EBLN1: variants seen among roughly 807,000 people sequenced by gnomAD.
The protein encoded by EBLN1 is endogenous Bornavirus like nucleoprotein 1.
A neutral mutation model predicts 0.8 loss-of-function variants in EBLN1; 1 was observed. The observed-to-expected ratio is 1.32, with a 90% CI of 0.47 to 6.26. The LOEUF (loss-of-function observed/expected upper bound fraction) is 6.26. Ranked by LOEUF, EBLN1 falls within the 30% of genes most tolerant of loss-of-function variation. The pLI is 0.15. For synonymous variants in EBLN1, 158 were observed against 158.5 expected, an observed-to-expected ratio of 1.00 and a Z score of 0.02; for missense variants, 396 against 447.9, an observed-to-expected ratio of 0.88 and a Z score of 1.05.
intron 1 of EBLN1, among the ~76,000 whole-genome samples, chr10:22,215,686 G>A (rs1003902965): frequency 6.6e-6 from 1 of 151,966 alleles, no homozygotes; most frequent in Non-Finnish European, 1.5e-5. Context: ...TGCCTCAGTG[G>A]TGTAGCTTAT....
Position 22,210,002 on chromosome 10 carries a change from T to C in EBLN1, c.-19A>G. 7.2e-7 allele frequency: 1 copy of C among 1,389,756 alleles called. No individual in the cohort carries two copies. Among genetic ancestry groups the C allele is most frequent in the South Asian group, 1.9e-5 (1 of 51,908 alleles). 86.1% of individuals were successfully genotyped at this position (1,389,756 alleles called of 1,614,324 possible). On this transcript the variant is annotated 5_prime_UTR_variant, in exon 3 of 3. Coordinates refer to ENST00000422359, the MANE Select transcript of EBLN1 (RefSeq NM_001394757.1). ...GGGACATTGTGGGTGATTGTTTCTGTGATTTTCACACAATTTTGTACTGTA... is the reference window on the plus strand; with the variant it reads ...GGGACATTGTGGGTGATTGTTTCTGCGATTTTCACACAATTTTGTACTGTA...
chr10:22,216,121 A>G (rs1381063629), intron 1 of EBLN1, among the ~76,000 whole-genome samples: 1 of 152,140 alleles, frequency 6.6e-6, no homozygotes, highest in Non-Finnish European at 1.5e-5. Flanking sequence ...CCAGATATTC[A>G]GAGAAGAGTT....
intron 1 of EBLN1, among the ~76,000 whole-genome samples, chr10:22,213,926 T>C (rs1354432420): frequency 6.6e-6 from 1 of 152,202 alleles, no homozygotes; most frequent in Non-Finnish European, 1.5e-5. Flanking sequence ...GCTGTTTTCC[T>C]GGGTACAAAA....
chr10:22,209,820 A>T lies in EBLN1; in HGVS notation c.164T>A (p.Val55Asp), dbSNP rs2478476. Reference protein sequence around the residue: ...EPQPGIGDVKVIEKATKSMLD... With the variant: ...EPQPGIGDVKDIEKATKSMLD... ...CATAGACTTAGTTGCTTTTTCAATG[A>T]CCTTAACATCTCCAATACCAGGTTG... is the stretch of plus-strand genomic sequence containing the variant. The change falls in exon 3 of 3, where the codon GTC (valine) becomes GAC (aspartate). Residue 55 changes from valine to aspartate, a missense_variant. Coordinates refer to ENST00000422359, the MANE Select transcript of EBLN1 (RefSeq NM_001394757.1). 1,529,028 of 1,534,092 alleles carry T rather than the reference A, an allele frequency of 1. 761,994 individuals carry two copies. Among genetic ancestry groups the T allele is most frequent in the South Asian group, 1 (83,754 of 83,756 alleles).
At chr10:22,213,389 T>C (rs1169624255) in intron 1 of EBLN1, among the ~76,000 whole-genome samples, 3 of 152,172 alleles carry the variant, frequency 2.0e-5, no homozygotes, top group African/African-American at 7.2e-5. Flanking sequence ...CACAAGATAA[T>C]ATATTACAAA....
chr10:22,215,534 T>C (rs1199901429), intron 1 of EBLN1, among the ~76,000 whole-genome samples: 3 of 152,032 alleles, frequency 2.0e-5, no homozygotes, highest in Non-Finnish European at 4.4e-5. Flanking sequence ...AACTAGAAAA[T>C]AGTTTTGACA....
intron 2 of EBLN1, among the ~76,000 whole-genome samples, chr10:22,211,970 T>C (rs941798215): frequency 3.3e-5 from 5 of 152,246 alleles, no homozygotes; most frequent in Non-Finnish European, 7.3e-5. Context: ...CAACTAAACT[T>C]AACTAGCAGT....
chr10:22,211,931 C>A (rs559594377), intron 2 of EBLN1, among the ~76,000 whole-genome samples: 1 of 152,184 alleles, frequency 6.6e-6, no homozygotes, highest in South Asian at 2.1e-4. Flanking sequence ...CCTTCTTAAT[C>A]CCATGTCTCA....
At chr10:22,211,491 CA>C (rs1270558564) in intron 2 of EBLN1, among the ~76,000 whole-genome samples, 5 of 150,508 alleles carry the variant, frequency 3.3e-5, no homozygotes, top group Non-Finnish European at 7.4e-5. Flanking sequence ...ATCGTGTTAA[CA>C]AAAAACAATT....
rs760748662 is a variant in EBLN1, at chr10:22,214,749, C to T, written c.-168-1784G>A. On this transcript the variant is annotated intron_variant, in intron 1 of 2. Transcript: ENST00000422359. Reference sequence around the variant, plus strand: ...TCTGGCAATTCCTCAAAATACTCAGCGTGGAGTTACCGTAGGACCCACCAA... The same window carrying T: ...TCTGGCAATTCCTCAAAATACTCAGTGTGGAGTTACCGTAGGACCCACCAA... Among the ~76,000 whole-genome samples, 4 of 152,208 alleles carry T rather than the reference C, an allele frequency of 2.6e-5. No homozygotes were observed. In the East Asian group the frequency reaches 5.8e-4, roughly 22 times the overall value.
intron 2 of EBLN1, among the ~76,000 whole-genome samples, chr10:22,210,489 T>G (rs535163713): frequency 6.6e-6 from 1 of 152,344 alleles, no homozygotes; most frequent in African/African-American, 2.4e-5. Flanking sequence ...TATCTTTATG[T>G]CGTTTAAGCT....
intron 2 of EBLN1, among the ~76,000 whole-genome samples, chr10:22,210,740 TC>T (rs1444887261): frequency 1.6e-4 from 24 of 152,166 alleles, no homozygotes; most frequent in Non-Finnish European, 2.1e-4. Flanking sequence ...GGTCCCCTCC[TC>T]TAAGTGTCAG....
chr10:22,213,367 T>G (rs1834769008), intron 1 of EBLN1, among the ~76,000 whole-genome samples: 1 of 152,196 alleles, frequency 6.6e-6, no homozygotes, highest in Admixed American at 6.5e-5. Context: ...GATTCTTTAA[T>G]TCCTGTAGGA....
In EBLN1 at chr10:22,209,957, C is replaced by T; in HGVS notation, c.27G>A (p.Gln9=). The change falls in exon 3 of 3, where the codon CAG becomes CAA. Residue 9 remains glutamine, a synonymous_variant. Transcript: ENST00000422359. MSRPRNNP[Q]TSSPQDSTKD... is the part of the protein sequence containing the mutation. The stretch of plus-strand genomic sequence containing the variant: ...TTGTACTGTCTTGTGGGCTGCTGGT[C>T]TGTGGGTTGTTTCTTGGGCGGGACA... The T allele has an allele frequency of 7.0e-7, 1 of 1,424,512 alleles. No homozygotes were observed. Among genetic ancestry groups the T allele is most frequent in the South Asian group, 1.6e-5 (1 of 62,358 alleles). The allele number at this position is 1,424,512 out of a possible 1,614,324, so 88.2% of individuals were successfully genotyped here.
chr10:22,209,800 A>G lies in EBLN1; in HGVS notation c.184T>C (p.Ser62Pro), dbSNP rs1834731022. The change falls in exon 3 of 3, where the codon TCT becomes CCT. Residue 62 changes from serine to proline, a missense_variant. Ser to Pro is a moderately conservative substitution (Grantham distance 74). Coordinates refer to ENST00000422359, the MANE Select transcript of EBLN1 (RefSeq NM_001394757.1). ...DVKVIEKATK[S>P]MLDPAQRSHF... ...GATCTCTGTGCTGGGTCTAGCATAG[A>G]CTTAGTTGCTTTTTCAATGACCTTA... 1 of 1,534,912 alleles carries G rather than the reference A, an allele frequency of 6.5e-7. No homozygotes were observed. The highest frequency in any genetic ancestry group is 1.4e-5 in the African/African-American group (1 of 73,050).
intron 2 of EBLN1, among the ~76,000 whole-genome samples, chr10:22,211,850 T>C (rs1350303222): frequency 6.6e-6 from 1 of 152,092 alleles, no homozygotes; most frequent in African/African-American, 2.4e-5. Context: ...AAGGTGAGCA[T>C]GTGAGCTTTT....
rs576071066 is a variant in EBLN1 at position 22,217,148 on chromosome 10, C to T, written c.-169+768G>A. 1.6e-4 allele frequency among the ~76,000 whole-genome samples: 25 copies of T among 152,174 alleles called. No homozygotes were observed. The East Asian group carries it at 1.9e-3, about 12-fold the overall frequency. On this transcript the variant is annotated intron_variant, in intron 1 of 2. Coordinates refer to ENST00000422359, the MANE Select transcript of EBLN1 (RefSeq NM_001394757.1). ...ATATATATATTTTTTTGTTTTGAGA[C>T]GGAGTCTCGCTCTGTTGTTCAGGCT...
intron 2 of EBLN1, among the ~76,000 whole-genome samples, chr10:22,211,796 G>A (rs1229631047): frequency 6.6e-6 from 1 of 152,022 alleles, no homozygotes; most frequent in African/African-American, 2.4e-5. Context: ...CCCAAGTGCT[G>A]GGATTACAGG....
intron 2 of EBLN1, among the ~76,000 whole-genome samples, chr10:22,212,419 A>G (rs536574097): frequency 6.6e-6 from 1 of 152,336 alleles, no homozygotes; most frequent in Non-Finnish European, 1.5e-5. Context: ...GGATACATAT[A>G]CTAAATAACC....
Sources: gnomAD v4.1 joint callset for allele counts (sites outside exome capture counted in the v4.1 genomes callset) on GRCh38, gnomAD v4.1.1 for gene constraint, MANE v1.5 for transcripts, NCBI Gene and HGNC (gene_info 2026-07-23, HGNC 2026-07-21) for gene names.